The following IMMP2L variants were observed in gnomAD, a reference collection of about 807,000 sequenced individuals.
IMMP2L encodes the protein mitochondrial inner membrane protease subunit 2.
A neutral mutation model predicts 19.3 loss-of-function variants in IMMP2L; 18 were observed. The ratio of observed to expected loss-of-function variants is 0.93; its 90% CI spans 0.64 to 1.38. The LOEUF (loss-of-function observed/expected upper bound fraction) is 1.38, where lower values mean the gene tolerates loss of function less well. Ranked by LOEUF, IMMP2L falls within the 40% of genes most tolerant of loss-of-function variation. The pLI, the probability that IMMP2L is intolerant of heterozygous loss-of-function variation, is 0.00. For synonymous variants in IMMP2L, 76 were observed against 73.0 expected (o/e 1.04, Z -0.21); for missense variants, 233 against 218.2 (o/e 1.07, Z -0.43).
At chr7:110,845,411 T>C (rs1268623082) in intron 5 of IMMP2L, among the ~76,000 whole-genome samples, 1 of 152,190 alleles carries the variant, frequency 6.6e-6, no homozygotes, top group Admixed American at 6.5e-5. Context: ...AGCTCCCAGC[T>C]GAGTCCTCTC....
In IMMP2L at chr7:110,886,690, A is replaced by T. The variant is rs759593750; in HGVS notation, c.311T>A (p.Ile104Lys). The T allele has an allele frequency of 6.5e-7, 1 of 1,548,182 alleles. No homozygotes were observed. Among genetic ancestry groups the T allele is most frequent in the Non-Finnish European group, 8.9e-7 (1 of 1,120,570 alleles). Residue 104 changes from isoleucine to lysine, a missense_variant, in exon 5 of 6, where the codon ATA becomes AAA. Transcript: ENST00000405709. The stretch of plus-strand genomic sequence containing the variant: ...TTTGACATACCGGTTTTTGTGTCCT[A>T]TGGTTCTGGAAATAAACAGTGTAAC... The part of the protein sequence containing the change: ...IALEGDIVRT[I>K]GHKNRYVKVP...
At chr7:111,005,297 G>T (rs1410210279) in intron 3 of IMMP2L, among the ~76,000 whole-genome samples, 1 of 152,094 alleles carries the variant, frequency 6.6e-6, no homozygotes, top group Non-Finnish European at 1.5e-5. Context: ...TCCTATAGGA[G>T]AAAATAATAG....
At chr7:111,119,304 C>T (rs1306063623) in intron 3 of IMMP2L, among the ~76,000 whole-genome samples, 1 of 152,130 alleles carries the variant, frequency 6.6e-6, no homozygotes, top group Non-Finnish European at 1.5e-5. Context: ...TATATGCTCC[C>T]AAATGAGCAT....
At chr7:110,831,632 C>T (rs1486859114) in intron 5 of IMMP2L, among the ~76,000 whole-genome samples, 1 of 152,106 alleles carries the variant, frequency 6.6e-6, no homozygotes, top group Non-Finnish European at 1.5e-5. Flanking sequence ...GGAAACTTAT[C>T]AAAAGAGGCT....
intron 3 of IMMP2L, among the ~76,000 whole-genome samples, chr7:111,276,378 G>C (rs943585195): frequency 6.6e-6 from 1 of 151,986 alleles, no homozygotes; most frequent in Non-Finnish European, 1.5e-5. Flanking sequence ...TTGTGTCTAT[G>C]GTCATCAGAG....
intron 3 of IMMP2L, among the ~76,000 whole-genome samples, chr7:111,040,217 A>G (rs1791763261): frequency 6.6e-6 from 1 of 152,202 alleles, no homozygotes; most frequent in African/African-American, 2.4e-5. Flanking sequence ...TCTGTGATTA[A>G]AAAATTAAAC....
intron 5 of IMMP2L, among the ~76,000 whole-genome samples, chr7:110,771,917 A>C (rs1409753504): frequency 6.6e-6 from 1 of 152,192 alleles, no homozygotes; most frequent in Admixed American, 6.5e-5. Context: ...TTGGTTACAG[A>C]AGATGTGCTC....
chr7:110,820,846 C>T (rs1286069029), intron 5 of IMMP2L, among the ~76,000 whole-genome samples: 4 of 152,148 alleles, frequency 2.6e-5, no homozygotes, highest in African/African-American at 4.8e-5. Context: ...GATATTTATG[C>T]GTCCTTGAAC....
intron 3 of IMMP2L, among the ~76,000 whole-genome samples, chr7:111,149,768 CAA>C (rs1803873267): frequency 6.6e-6 from 1 of 151,942 alleles, no homozygotes; most frequent in Non-Finnish European, 1.5e-5. Context: ...ACCTACATAA[CAA>C]AATTAATAAA....
chr7:111,395,081 T>G (rs1832734667), intron 3 of IMMP2L: 2 of 183,972 alleles, frequency 1.1e-5, no homozygotes. Context: ...CATGTGAACA[T>G]GAGAGTGGCC....
chr7:111,019,995 C>A, intron 3 of IMMP2L, among the ~76,000 whole-genome samples: 1 of 151,684 alleles, frequency 6.6e-6, no homozygotes, highest in East Asian at 1.9e-4. Context: ...TCTTAGATGT[C>A]ACTTGTATAG....
intron 5 of IMMP2L, among the ~76,000 whole-genome samples, chr7:110,716,473 G>T (rs1371783769): frequency 6.6e-6 from 1 of 152,146 alleles, no homozygotes; most frequent in Non-Finnish European, 1.5e-5. Flanking sequence ...CTGCTGAAGG[G>T]TCTCTTGTAA....
intron 3 of IMMP2L, among the ~76,000 whole-genome samples, chr7:111,311,319 AGAAG>A (rs886346092): frequency 6.6e-6 from 1 of 152,006 alleles, no homozygotes; most frequent in Non-Finnish European, 1.5e-5. Context: ...AAGGAAGGAA[AGAAG>A]GAAGGAAGAA....
At chr7:110,672,729 A>G (rs1470490374) in intron 5 of IMMP2L, among the ~76,000 whole-genome samples, 1 of 152,170 alleles carries the variant, frequency 6.6e-6, no homozygotes, top group Non-Finnish European at 1.5e-5. Flanking sequence ...GGTAGTCATT[A>G]AACCTTACAG....
intron 5 of IMMP2L, among the ~76,000 whole-genome samples, chr7:110,774,475 C>T (rs1043743346): frequency 6.6e-6 from 1 of 151,886 alleles, no homozygotes; most frequent in African/African-American, 2.4e-5. Context: ...AAACAAAAAA[C>T]CCTTCACATA....
At chr7:111,013,402 A>C (rs1245123376) in intron 3 of IMMP2L, among the ~76,000 whole-genome samples, 1 of 152,310 alleles carries the variant, frequency 6.6e-6, no homozygotes, top group East Asian at 1.9e-4. Flanking sequence ...CAAGGAAAGT[A>C]GCAATAAGGA....
chr7:111,446,298 A>C (rs1838402046), intron 3 of IMMP2L, among the ~76,000 whole-genome samples: 1 of 148,920 alleles, frequency 6.7e-6, no homozygotes, highest in Admixed American at 6.6e-5. Flanking sequence ...TGCAGACTTA[A>C]ATGTCCCTGT....
chr7:110,831,080 C>A (rs112737760), intron 5 of IMMP2L, among the ~76,000 whole-genome samples: 1 of 152,110 alleles, frequency 6.6e-6, no homozygotes, highest in African/African-American at 2.4e-5. Flanking sequence ...TTTAGCTCCA[C>A]GTAGCTGAAG....
intron 3 of IMMP2L, among the ~76,000 whole-genome samples, chr7:111,203,490 A>G (rs1323367909): frequency 1.3e-5 from 2 of 152,012 alleles, no homozygotes; most frequent in Non-Finnish European, 2.9e-5. Context: ...AATATAAGGC[A>G]TAGGTTTTTA....
Sources: gnomAD v4.1 joint callset for allele counts (sites outside exome capture counted in the v4.1 genomes callset) on GRCh38, gnomAD v4.1.1 for gene constraint, MANE v1.5 for transcripts, NCBI Gene and HGNC (gene_info 2026-07-23, HGNC 2026-07-21) for gene names.